The following DNMT3A variants were observed in gnomAD, a reference collection of about 807,000 sequenced individuals.
DNMT3A encodes DNA (cytosine-5)-methyltransferase 3A.
In DNMT3A, 267 loss-of-function variants were observed where a neutral mutation model predicts 117.6. The observed-to-expected ratio is 2.27, with a 90% confidence interval of 2.05 to 2.51. The LOEUF (loss-of-function observed/expected upper bound fraction) is 2.51. DNMT3A is among the 30% of genes most tolerant of loss of function. The pLI is 0.00. For missense variants in DNMT3A, 1,029 were observed against 1,260.2 expected (o/e 0.82, Z 2.78); for synonymous variants, 432 against 474.8 (o/e 0.91, Z 1.17).
intron 17 of DNMT3A, 24 bp from the exon 18 acceptor site, chr2:25,240,754 T>C: frequency 6.2e-7 from 1 of 1,608,876 alleles, no homozygotes; most frequent in Non-Finnish European, 8.5e-7. Context: ...GGCAACGTGA[T>C]GGGCCTGCTG....
intron 1 of DNMT3A, among the ~76,000 whole-genome samples, chr2:25,316,898 A>C (rs1573487157): frequency 3.3e-5 from 5 of 152,332 alleles, no homozygotes; most frequent in Admixed American, 3.3e-4. Flanking sequence ...CCACTTAAAA[A>C]ATTTCAAGGA....
intron 3 of DNMT3A, among the ~76,000 whole-genome samples, chr2:25,283,328 C>T (rs1434660951): frequency 6.7e-6 from 1 of 149,102 alleles, no homozygotes; most frequent in Non-Finnish European, 1.5e-5. Flanking sequence ...CGCCATTGCA[C>T]TCCAGCCTTG....
At chr2:25,291,287 A>G (rs527814118) in intron 3 of DNMT3A, among the ~76,000 whole-genome samples, 1 of 152,326 alleles carries the variant, frequency 6.6e-6, no homozygotes, top group African/African-American at 2.4e-5. Flanking sequence ...TCTGCCCCCG[A>G]AGCATTGGCA....
chr2:25,335,096 C>T (rs1021312374), intron 1 of DNMT3A, among the ~76,000 whole-genome samples: 1 of 151,938 alleles, frequency 6.6e-6, no homozygotes, highest in Non-Finnish European at 1.5e-5. Context: ...ATATTTGTAT[C>T]GATTTTAAAG....
chr2:25,311,748 T>G lies in DNMT3A; in HGVS notation c.72+2165A>C, dbSNP rs2034133983. Reference sequence around the variant, plus strand: ...CTTATCTGACTTCCACAACCACCCTTTAAAACAGGCAAGGCTGGAGTCACT... The same window carrying G: ...CTTATCTGACTTCCACAACCACCCTGTAAAACAGGCAAGGCTGGAGTCACT... On this transcript the variant is annotated intron_variant, in intron 2 of 22. Coordinates refer to ENST00000321117, the MANE Select transcript of DNMT3A (RefSeq NM_022552.5). The surrounding 1 kb of genome is among the most constrained non-coding windows in gnomAD (Gnocchi z 5.2). Among the ~76,000 whole-genome samples the G allele has an allele frequency of 6.6e-6, 1 of 152,124 alleles. No individual in the cohort carries two copies. The highest frequency in any genetic ancestry group is 2.4e-5 in the African/African-American group (1 of 41,432).
chr2:25,241,336 T>G (rs537358141), intron 17 of DNMT3A, among the ~76,000 whole-genome samples: 1 of 152,322 alleles, frequency 6.6e-6, no homozygotes, highest in East Asian at 1.9e-4. Flanking sequence ...CCCAAAGTGC[T>G]GGCATTATAG....
intron 1 of DNMT3A, among the ~76,000 whole-genome samples, chr2:25,335,061 T>C (rs952019478): frequency 1.3e-5 from 2 of 152,252 alleles, no homozygotes; most frequent in African/African-American, 4.8e-5. Context: ...AACTTTTCCA[T>C]GCATGTGCAA....
intron 19 of DNMT3A, 199 bp from the exon 20 acceptor site, chr2:25,239,414 G>T (rs1405144205): frequency 2.6e-5 from 17 of 655,920 alleles, no homozygotes; most frequent in Non-Finnish European, 4.7e-5. Flanking sequence ...GAACGTTCTA[G>T]ATCAGCATTG....
At chr2:25,300,818 G>A (rs1485965823) in intron 2 of DNMT3A, among the ~76,000 whole-genome samples, 15 of 123,038 alleles carry the variant, frequency 1.2e-4, no homozygotes, top group African/African-American at 2.2e-4. Flanking sequence ...CTGTCCCCCC[G>A]GAAGGCATCT....
intron 1 of DNMT3A, among the ~76,000 whole-genome samples, chr2:25,335,610 C>T (rs1318221991): frequency 1.3e-5 from 2 of 152,202 alleles, no homozygotes; most frequent in Admixed American, 6.5e-5. Context: ...AGATCTCGAA[C>T]ATCTGCACTG....
At chr2:25,248,730 T>G (rs888120046) in intron 6 of DNMT3A, among the ~76,000 whole-genome samples, 5 of 152,204 alleles carry the variant, frequency 3.3e-5, no homozygotes, top group African/African-American at 1.2e-4. Context: ...GTATTTTTAG[T>G]AGAGATGGGG....
chr2:25,282,095 G>A lies in DNMT3A; in HGVS notation c.448+346C>T, dbSNP rs573242387. 371 of 1,122,100 alleles carry A rather than the reference G, an allele frequency of 3.3e-4. No homozygotes were observed. The highest frequency in any genetic ancestry group is 3.8e-4 in the Non-Finnish European group (338 of 883,498). 69.5% of individuals were successfully genotyped at this position (1,122,100 alleles called of 1,614,324 possible). A position where few individuals can be genotyped will look rare whatever the true frequency, so the allele number is the denominator to read the frequency against. On this transcript the variant is annotated intron_variant, in intron 4 of 22. Transcript: ENST00000321117. This position sits in a 1 kb window ranked among gnomAD's most constrained non-coding sequence, Gnocchi z 5.2. ...AGCCACAGAAGGCGATGGAGGGACCGCCATTATCCCAGTCTAGCAATCGTT... is the reference window on the plus strand; with the variant it reads ...AGCCACAGAAGGCGATGGAGGGACCACCATTATCCCAGTCTAGCAATCGTT...
chr2:25,322,746 C>T (rs938505376), intron 1 of DNMT3A, among the ~76,000 whole-genome samples: 33 of 151,638 alleles, frequency 2.2e-4, no homozygotes, highest in African/African-American at 7.5e-4. Context: ...GACTGCTGGC[C>T]CCCCTGCCAC....
intron 5 of DNMT3A, 51 bp from the exon 6 acceptor site, chr2:25,275,138 C>T (rs574186027): frequency 1.3e-6 from 2 of 1,504,170 alleles, no homozygotes; most frequent in Non-Finnish European, 8.9e-7. Context: ...CTGACGGACC[C>T]ACCAAGGAGG....
In DNMT3A at chr2:25,231,414, G is replaced by A. The variant is rs556261626; in HGVS notation, c.*2865C>T. 2.0e-5 allele frequency: 3 copies of A among 152,332 alleles called. No individual in the cohort carries two copies. The highest frequency in any genetic ancestry group is 6.5e-5 in the Admixed American group (1 of 15,304). 9.4% of individuals were successfully genotyped at this position (152,332 alleles called of 1,614,324 possible). A position where few individuals can be genotyped will look rare whatever the true frequency, so the allele number is the denominator to read the frequency against. On this transcript the variant is annotated 3_prime_UTR_variant, in exon 23 of 23. Coordinates refer to ENST00000321117, the MANE Select transcript of DNMT3A (RefSeq NM_022552.5). ...GCATGATCTTAAACACCAATCTGTC[G>A]AGGAGACAGTAGATTGGGGTCCAGG... is the stretch of plus-strand genomic sequence containing the variant.
intron 1 of DNMT3A, among the ~76,000 whole-genome samples, chr2:25,321,479 T>A (rs1467486297): frequency 6.6e-6 from 1 of 152,216 alleles, no homozygotes; most frequent in Non-Finnish European, 1.5e-5. Context: ...AATCCCCTCA[T>A]CTCTAGGTCA....
intron 20 of DNMT3A, among the ~76,000 whole-genome samples, chr2:25,238,196 C>T (rs1163167760): frequency 1.3e-5 from 2 of 152,158 alleles, no homozygotes; most frequent in African/African-American, 2.4e-5. Flanking sequence ...CCAATATGCA[C>T]ATGTATCTTG....
chr2:25,299,974 G>C (rs144832159), intron 3 of DNMT3A, among the ~76,000 whole-genome samples, 165 bp downstream of exon 3: 1 of 152,270 alleles, frequency 6.6e-6, no homozygotes, highest in Non-Finnish European at 1.5e-5. Flanking sequence ...GGAAATGTGA[G>C]GGTGGGATTT....
At chr2:25,325,744 C>T (rs1215446058) in intron 1 of DNMT3A, among the ~76,000 whole-genome samples, 2 of 152,146 alleles carry the variant, frequency 1.3e-5, no homozygotes, top group African/African-American at 4.8e-5. Context: ...ATCCTAGTTA[C>T]CAAGGAGAAA....
Sources: allele counts gnomAD v4.1 joint callset (sites outside exome capture counted in the v4.1 genomes callset), GRCh38; gene constraint gnomAD v4.1.1; non-coding constraint Gnocchi (gnomAD v3.1); transcripts MANE v1.5; gene names NCBI Gene and HGNC (gene_info 2026-07-23, HGNC 2026-07-21).